PRKD3: variants seen among roughly 807,000 people sequenced by gnomAD.
PRKD3 encodes protein kinase D3.
In PRKD3, 47 loss-of-function variants were observed where a neutral mutation model predicts 99.2. The ratio of observed to expected loss-of-function variants is 0.47; its 90% CI spans 0.38 to 0.60. The LOEUF is 0.60. PRKD3 is among the 20% of genes least tolerant of loss of function. PRKD3 has a pLI of 0.00. For synonymous variants in PRKD3, 392 were observed against 355.4 expected, an observed-to-expected ratio of 1.10 and a Z score of -1.16; for missense variants, 1,019 against 1,088.4, an observed-to-expected ratio of 0.94 and a Z score of 0.90.
At chr2:37,317,211 CTT>C in intron 1 of PRKD3, 32 bp from the exon 2 acceptor site, 3 of 829,426 alleles carry the variant, frequency 3.6e-6, no homozygotes, top group Non-Finnish European at 4.4e-6. Context: ...GTTTTTAATA[CTT>C]TATATTCATT....
intron 8 of PRKD3, chr2:37,278,802 T>A (rs1022915787): frequency 1.3e-5 from 2 of 152,162 alleles, no homozygotes; most frequent in Non-Finnish European, 2.9e-5. Flanking sequence ...CCGGGCGTGG[T>A]GGCAGGTGCC....
chr2:37,288,326 T>G (rs72863167), intron 5 of PRKD3, among the ~76,000 whole-genome samples: 7,883 of 152,274 alleles, frequency 0.052, 577 homozygotes, highest in African/African-American at 0.16. Context: ...CAGTCCTTTA[T>G]GCCGCAGCAC....
chr2:37,309,112 T>C (rs572978187), intron 2 of PRKD3, among the ~76,000 whole-genome samples: 17 of 152,292 alleles, frequency 1.1e-4, no homozygotes, highest in Non-Finnish European at 2.4e-4. Context: ...TCTTCCTTTT[T>C]CAGGAACATA....
At chr2:37,321,661 A>T (rs1035210240) in intron 1 of PRKD3, among the ~76,000 whole-genome samples, 2 of 152,220 alleles carry the variant, frequency 1.3e-5, no homozygotes, top group African/African-American at 4.8e-5. Context: ...TGAAATTCAA[A>T]GTGTGATGTG....
At chr2:37,257,073 T>TA in intron 16 of PRKD3, 144 bp from the exon 17 acceptor site, 1 of 960,326 alleles carries the variant, frequency 1.0e-6, no homozygotes, top group Non-Finnish European at 1.5e-6. Flanking sequence ...AAGGAAATTG[T>TA]AAAATATCCT....
chr2:37,305,830 C>T (rs1412957468), intron 2 of PRKD3, among the ~76,000 whole-genome samples: 2 of 152,172 alleles, frequency 1.3e-5, no homozygotes, highest in Non-Finnish European at 2.9e-5. Context: ...TGAGTATTAA[C>T]TACTTTTGAG....
intron 9 of PRKD3, among the ~76,000 whole-genome samples, chr2:37,276,099 T>G (rs1669556117): frequency 6.6e-6 from 1 of 152,120 alleles, no homozygotes; most frequent in Non-Finnish European, 1.5e-5. Context: ...TGTAGAGAAT[T>G]TCATACATGC....
In PRKD3 at chr2:37,298,388, G is replaced by A. The variant is rs185929453; in HGVS notation, c.289-5117C>T. On this transcript the variant is annotated intron_variant, in intron 2 of 18. Transcript: ENST00000234179. ...GCTCTTTTTTTCACTTAGCAATATA[G>A]AGATCATTCCATTAACAAAGTTATT... Among the ~76,000 whole-genome samples the A allele has an allele frequency of 2.0e-3, 300 of 149,618 alleles. 3 individuals are homozygous for A. Among genetic ancestry groups the A allele is most frequent in the Admixed American group, 0.015 (223 of 14,944 alleles).
At chr2:37,290,639 A>G (rs1174448320) in intron 4 of PRKD3, among the ~76,000 whole-genome samples, 1 of 152,202 alleles carries the variant, frequency 6.6e-6, no homozygotes, top group Non-Finnish European at 1.5e-5. Context: ...TCTTTATGAA[A>G]CCAGTGGGGC....
Position 37,316,753 on chromosome 2 carries a change from T to C in PRKD3, c.-229A>G. ...TATCAGTCCCATCAAAAAGCAGTCT[T>C]GTCTGTAGGAAGACAACCAGGGATT... On this transcript the variant is annotated 5_prime_UTR_variant, in exon 2 of 19. Coordinates refer to ENST00000234179, the MANE Select transcript of PRKD3 (RefSeq NM_005813.6). 4 of 1,367,658 alleles carry C rather than the reference T, an allele frequency of 2.9e-6. No individual in the cohort carries two copies. Among genetic ancestry groups the C allele is most frequent in the Non-Finnish European group, 3.8e-6 (4 of 1,064,244 alleles). 84.7% of individuals were successfully genotyped at this position (1,367,658 alleles called of 1,614,324 possible).
intron 14 of PRKD3, among the ~76,000 whole-genome samples, chr2:37,262,425 G>T (rs1287784762): frequency 2.0e-5 from 3 of 152,112 alleles, no homozygotes; most frequent in African/African-American, 7.2e-5. Context: ...AAAATGTTTA[G>T]AAAGTGAAAT....
chr2:37,259,148 T>C (rs939323730), intron 16 of PRKD3, among the ~76,000 whole-genome samples: 3 of 152,154 alleles, frequency 2.0e-5, no homozygotes, highest in Non-Finnish European at 4.4e-5. Context: ...TGTGTGGTGA[T>C]GAGAAATGTT....
intron 2 of PRKD3, among the ~76,000 whole-genome samples, chr2:37,307,209 C>A (rs1000365546): frequency 2.0e-5 from 3 of 152,142 alleles, no homozygotes; most frequent in Non-Finnish European, 4.4e-5. Context: ...TTAACTTGAT[C>A]TTATATATTA....
rs527556428 is a variant in PRKD3 at position 37,316,975 on chromosome 2, T to C, written c.-451A>G. The C allele has an allele frequency of 1.0e-5, 10 of 989,072 alleles. No individual in the cohort carries two copies. Among genetic ancestry groups the C allele is most frequent in the African/African-American group, 1.7e-5 (1 of 57,280 alleles). The allele number at this position is 989,072 out of a possible 1,614,324, so 61.3% of individuals were successfully genotyped here. A position where few individuals can be genotyped will look rare whatever the true frequency, so the allele number is the denominator to read the frequency against. On this transcript the variant is annotated 5_prime_UTR_variant, in exon 2 of 19. Transcript: ENST00000234179. ...AAGTGTTTTGGATTAATCTATTCAG[T>C]ACTTTTCCTTTGGTTTACTAATTTG...
intron 2 of PRKD3, among the ~76,000 whole-genome samples, chr2:37,303,512 T>C (rs1247291409): frequency 1.3e-5 from 2 of 151,876 alleles, no homozygotes; most frequent in Non-Finnish European, 1.5e-5. Flanking sequence ...ACAACCTAAG[T>C]GCCGCTGTGG....
intron 14 of PRKD3, among the ~76,000 whole-genome samples, chr2:37,263,088 TA>T (rs1668590760): frequency 6.6e-6 from 1 of 152,150 alleles, no homozygotes; most frequent in African/African-American, 2.4e-5. Context: ...TCTTTAGGTT[TA>T]TTTTATTGTT....
At chr2:37,307,447 C>G (rs925078446) in intron 2 of PRKD3, among the ~76,000 whole-genome samples, 1 of 152,080 alleles carries the variant, frequency 6.6e-6, no homozygotes, top group African/African-American at 2.4e-5. Context: ...ACTAAGGCAC[C>G]GGATATATGA....
At chr2:37,303,824 T>G (rs1295202057) in intron 2 of PRKD3, among the ~76,000 whole-genome samples, 1 of 152,226 alleles carries the variant, frequency 6.6e-6, no homozygotes, top group Non-Finnish European at 1.5e-5. Context: ...ACATTTACTT[T>G]TAAAATGTAC....
chr2:37,264,436 C>T (rs974798275), intron 14 of PRKD3, among the ~76,000 whole-genome samples: 1 of 141,604 alleles, frequency 7.1e-6, no homozygotes, highest in African/African-American at 2.7e-5. Context: ...GTGAGACAGA[C>T]AATGGGAAAT....
Sources: allele counts gnomAD v4.1 joint callset (sites outside exome capture counted in the v4.1 genomes callset), GRCh38; gene constraint gnomAD v4.1.1; transcripts MANE v1.5; gene names NCBI Gene and HGNC (gene_info 2026-07-23, HGNC 2026-07-21).